KCNJ15: variants seen among roughly 807,000 people sequenced by gnomAD.
KCNJ15 encodes potassium inwardly rectifying channel subfamily J member 15.
A neutral mutation model predicts 23.0 loss-of-function variants in KCNJ15; 14 were observed. That is an observed-to-expected ratio of 0.61 (90% CI 0.40 to 0.95). The LOEUF is 0.95. KCNJ15 is among the 40% of genes least tolerant of loss of function. The pLI is 0.00. For missense variants in KCNJ15, 388 were observed against 461.8 expected, an observed-to-expected ratio of 0.84 and a Z score of 1.46; for synonymous variants, 185 against 183.2, an observed-to-expected ratio of 1.01 and a Z score of -0.08.
At chr21:38,286,516 A>C (rs1202143598) in intron 1 of KCNJ15, among the ~76,000 whole-genome samples, 1 of 152,148 alleles carries the variant, frequency 6.6e-6, no homozygotes, top group Non-Finnish European at 1.5e-5. Context: ...AGAATATCCT[A>C]CTGGAAAGGG....
upstream of KCNJ15, among the ~76,000 whole-genome samples, chr21:38,252,828 G>A (rs1406824796): frequency 6.6e-6 from 1 of 152,160 alleles, no homozygotes; most frequent in Non-Finnish European, 1.5e-5. Flanking sequence ...TCTTCCCCAA[G>A]CCCTGTGAAT....
intron 1 of KCNJ15, among the ~76,000 whole-genome samples, chr21:38,286,535 G>A (rs1164367364): frequency 6.6e-6 from 1 of 152,208 alleles, no homozygotes; most frequent in African/African-American, 2.4e-5. Context: ...GGAATTAGCT[G>A]TGATTTTGTT....
At chr21:38,238,136 G>A (rs1601120612) in intron 1 of KCNJ15, 3 of 377,298 alleles carry the variant, frequency 8.0e-6, no homozygotes, top group South Asian at 6.7e-5. Flanking sequence ...GCTCAGGGAT[G>A]GCCACAAGTT....
At position 38,306,193 on chromosome 21, in the gene KCNJ15, T is replaced by A. The variant is rs570014384; in HGVS notation, c.*5804T>A. ...TAGCAACCCTTGCCACATGATGTAG[T>A]ACTTAGCTATAATTTTATTTTTATT... On this transcript the variant is annotated 3_prime_UTR_variant, in exon 3 of 3. Transcript: ENST00000398938. 1 of 152,340 alleles carries A rather than the reference T, an allele frequency of 6.6e-6. No homozygotes were observed. The highest frequency in any genetic ancestry group is 1.5e-5 in the Non-Finnish European group (1 of 68,028). The allele number at this position is 152,340 out of a possible 1,614,324, so 9.4% of individuals were successfully genotyped here.
At chr21:38,235,183 C>G (rs1978518070) in intron 1 of KCNJ15, among the ~76,000 whole-genome samples, 1 of 152,072 alleles carries the variant, frequency 6.6e-6, no homozygotes, top group Non-Finnish European at 1.5e-5. Context: ...ACGTTTCTTT[C>G]CATTTCTTTT....
chr21:38,298,419 C>T (rs188496335), intron 2 of KCNJ15: 71 of 152,312 alleles, frequency 4.7e-4, no homozygotes, highest in African/African-American at 1.5e-3. Flanking sequence ...CTAAATATCA[C>T]GTCTAAAATG....
At chr21:38,288,227 G>C (rs1443334586) in intron 1 of KCNJ15, among the ~76,000 whole-genome samples, 1 of 151,304 alleles carries the variant, frequency 6.6e-6, no homozygotes, top group Non-Finnish European at 1.5e-5. Context: ...TTTTTTAGTA[G>C]AGACAGGGTT....
At chr21:38,269,364 T>C (rs3787886) in intron 1 of KCNJ15, among the ~76,000 whole-genome samples, 57,225 of 151,650 alleles carry the variant, frequency 0.38, 12,287 homozygotes, top group African/African-American at 0.59. Context: ...CTCAAACTTG[T>C]ATAAACAAGA....
intron 1 of KCNJ15, among the ~76,000 whole-genome samples, chr21:38,234,640 A>T (rs1978482651): frequency 6.6e-6 from 1 of 152,224 alleles, no homozygotes; most frequent in Non-Finnish European, 1.5e-5. Flanking sequence ...AACTATCACA[A>T]CTGCTTCAAT....
At chr21:38,249,664 T>C (rs982064955) in intron 1 of KCNJ15, among the ~76,000 whole-genome samples, 2 of 152,266 alleles carry the variant, frequency 1.3e-5, no homozygotes, top group African/African-American at 2.4e-5. Context: ...TGTTTGACTT[T>C]AATTTCAGAA....
At chr21:38,237,147 C>T (rs959327768) in intron 1 of KCNJ15, 2 of 152,216 alleles carry the variant, frequency 1.3e-5, no homozygotes, top group Non-Finnish European at 2.9e-5. Context: ...TTCCCAGAGG[C>T]AGGACGAACT....
At chr21:38,263,823 A>G (rs1057026383) in intron 1 of KCNJ15, among the ~76,000 whole-genome samples, 4 of 152,132 alleles carry the variant, frequency 2.6e-5, no homozygotes, top group African/African-American at 7.2e-5. Flanking sequence ...GTCAGCCCCA[A>G]AGAATTTTTT....
chr21:38,274,360 G>T (rs900652407), intron 1 of KCNJ15, among the ~76,000 whole-genome samples: 1 of 152,160 alleles, frequency 6.6e-6, no homozygotes, highest in Admixed American at 6.5e-5. Context: ...CCTTTAGTAA[G>T]ATCACACTTC....
At position 38,300,090 on chromosome 21, in the gene KCNJ15, T is replaced by C; in HGVS notation, c.829T>C (p.Phe277Leu). ...LTPQNLKEKE[F>L]ELVVLLNATV... is the part of the protein sequence containing the mutation. Reference sequence around the variant, plus strand: ...ACCCCAAAACCTAAAGGAGAAGGAGTTTGAGCTTGTGGTCCTCCTCAATGC... The same window carrying C: ...ACCCCAAAACCTAAAGGAGAAGGAGCTTGAGCTTGTGGTCCTCCTCAATGC... Residue 277 changes from phenylalanine to leucine, a missense_variant, in exon 3 of 3, where the codon TTT becomes CTT. Transcript: ENST00000398938. The C allele has an allele frequency of 6.2e-7, 1 of 1,613,848 alleles. No individual in the cohort carries two copies. Among genetic ancestry groups the C allele is most frequent in the Non-Finnish European group, 8.5e-7 (1 of 1,179,960 alleles).
chr21:38,262,364 G>A (rs956327400), intron 1 of KCNJ15, among the ~76,000 whole-genome samples: 1 of 152,126 alleles, frequency 6.6e-6, no homozygotes, highest in Non-Finnish European at 1.5e-5. Context: ...TATATTGTCA[G>A]AAGTTTGTGG....
chr21:38,247,878 A>G (rs1399422079), intron 1 of KCNJ15, among the ~76,000 whole-genome samples: 5 of 152,316 alleles, frequency 3.3e-5, no homozygotes, highest in Non-Finnish European at 5.9e-5. Flanking sequence ...ACTCACTGCA[A>G]TCTGAGGAAG....
chr21:38,247,525 GAT>G (rs1979517459), intron 1 of KCNJ15, among the ~76,000 whole-genome samples: 11 of 19,610 alleles, frequency 5.6e-4, no homozygotes, highest in Non-Finnish European at 9.8e-4. Flanking sequence ...TGCATAGGTG[GAT>G]GGATGGATGG....
intron 1 of KCNJ15, among the ~76,000 whole-genome samples, chr21:38,267,589 A>C (rs1224833360): frequency 6.6e-6 from 1 of 152,166 alleles, no homozygotes; most frequent in African/African-American, 2.4e-5. Flanking sequence ...TGAGGAAGAC[A>C]CAGTTAATGG....
chr21:38,238,562 A>G (rs1978779495), intron 1 of KCNJ15: 2 of 631,230 alleles, frequency 3.2e-6, no homozygotes. Flanking sequence ...TGCTGGGAGA[A>G]GGCAGTCACT....
Sources: allele counts gnomAD v4.1 joint callset (sites outside exome capture counted in the v4.1 genomes callset), GRCh38; gene constraint gnomAD v4.1.1; transcripts MANE v1.5; gene names NCBI Gene and HGNC (gene_info 2026-07-23, HGNC 2026-07-21).